The following BCL11B variants were observed in gnomAD, a reference collection of about 807,000 sequenced individuals.
The protein encoded by BCL11B is BCL11 transcription factor B.
Under a neutral mutation model 49.9 loss-of-function variants are expected in BCL11B, and 8 were observed. The observed-to-expected ratio is 0.16, with a 90% confidence interval of 0.09 to 0.29. The LOEUF (loss-of-function observed/expected upper bound fraction) is 0.29, where lower values mean the gene tolerates loss of function less well. BCL11B is among the 10% of genes least tolerant of loss of function. BCL11B has a pLI of 1.00. For missense variants in BCL11B, 1,006 were observed against 1,351.0 expected, an observed-to-expected ratio of 0.74 and a Z score of 4.00; for synonymous variants, 739 against 637.4, an observed-to-expected ratio of 1.16 and a Z score of -2.40.
rs1413235133 is a variant in BCL11B at position 99,249,499 on chromosome 14, T to C, written c.427+7972A>G. ...GAGCTGGTGACTCACCGGACAACTG[T>C]GCAAGGTACCTCTCTATGACTCAGT... On this transcript the variant is annotated intron_variant, in intron 2 of 3. Transcript: ENST00000357195. Among the ~76,000 whole-genome samples, 5 of 152,300 alleles carry C rather than the reference T, an allele frequency of 3.3e-5. No individual in the cohort carries two copies. The East Asian group carries it at 9.6e-4, about 29-fold the overall frequency.
intron 3 of BCL11B, among the ~76,000 whole-genome samples, chr14:99,182,233 C>A (rs1886726269): frequency 6.6e-6 from 1 of 152,202 alleles, no homozygotes; most frequent in African/African-American, 2.4e-5. Context: ...GAGCTAAGCA[C>A]ACCAAGGACC....
At position 99,192,869 on chromosome 14, in the gene BCL11B, GTGAATGAATGAA is replaced by G. The variant is rs10553108; in HGVS notation, c.641-16686_641-16675del. On this transcript the variant is annotated intron_variant, in intron 3 of 3. Transcript: ENST00000357195. This position sits in a 1 kb window ranked among gnomAD's most constrained non-coding sequence, Gnocchi z 4.0. ...TATTTAATGATCAAAATGTAAATGA[GTGAATGAATGAA>G]TGAATGAATGAATGAGTGAATGAAT... 1.3e-5 allele frequency among the ~76,000 whole-genome samples: 2 copies of G among 151,218 alleles called. No homozygotes were observed. The highest frequency in any genetic ancestry group is 2.4e-5 in the African/African-American group (1 of 41,074).
At chr14:99,234,855 CAAAAAAAA>C (rs34831762) in intron 2 of BCL11B, among the ~76,000 whole-genome samples, 2 of 66,640 alleles carry the variant, frequency 3.0e-5, no homozygotes, top group Non-Finnish European at 5.5e-5. Context: ...GGTCTATGCA[CAAAAAAAA>C]AAAAAAAAAA....
At chr14:99,260,067 A>G (rs1889291519) in intron 1 of BCL11B, among the ~76,000 whole-genome samples, 1 of 152,232 alleles carries the variant, frequency 6.6e-6, no homozygotes, top group Admixed American at 6.5e-5. Flanking sequence ...ATAAGGATGT[A>G]TTGTGCGCCA....
intron 3 of BCL11B, among the ~76,000 whole-genome samples, chr14:99,176,819 G>C (rs1886549757): frequency 6.6e-6 from 1 of 152,096 alleles, no homozygotes; most frequent in Non-Finnish European, 1.5e-5. Flanking sequence ...TCCCAGGGAG[G>C]GGGGCAAGAT....
intron 2 of BCL11B, among the ~76,000 whole-genome samples, chr14:99,245,539 G>A (rs988202838): frequency 6.6e-6 from 1 of 152,218 alleles, no homozygotes; most frequent in Non-Finnish European, 1.5e-5. Context: ...CCTGGATCCC[G>A]GGAACCGCCC....
intron 3 of BCL11B, among the ~76,000 whole-genome samples, chr14:99,187,389 A>G (rs976220045): frequency 3.3e-5 from 5 of 152,184 alleles, no homozygotes; most frequent in African/African-American, 1.2e-4. Flanking sequence ...TCCACTGGAA[A>G]TAATAAAGAA....
chr14:99,265,994 C>T (rs1265426488), intron 1 of BCL11B, among the ~76,000 whole-genome samples: 1 of 152,180 alleles, frequency 6.6e-6, no homozygotes, highest in Non-Finnish European at 1.5e-5. Flanking sequence ...TATTCCCCAT[C>T]ACTAGATTAC....
At chr14:99,193,582 C>G (rs1031006399) in intron 3 of BCL11B, among the ~76,000 whole-genome samples, 2 of 152,114 alleles carry the variant, frequency 1.3e-5, no homozygotes, top group Non-Finnish European at 2.9e-5. Flanking sequence ...AATCCTCTTA[C>G]CTCTTTTTTC....
At chr14:99,258,162 T>G (rs1258866047) in intron 1 of BCL11B, among the ~76,000 whole-genome samples, 1 of 152,206 alleles carries the variant, frequency 6.6e-6, no homozygotes, top group Non-Finnish European at 1.5e-5. Flanking sequence ...CACACGTGCA[T>G]ACACACACAC....
chr14:99,253,641 C>T (rs757435968), intron 2 of BCL11B, among the ~76,000 whole-genome samples: 1 of 152,140 alleles, frequency 6.6e-6, no homozygotes, highest in Non-Finnish European at 1.5e-5. Flanking sequence ...CACACAGCAA[C>T]AGACAGCCTT....
At chr14:99,249,216 C>T (rs895800969) in intron 2 of BCL11B, among the ~76,000 whole-genome samples, 2 of 152,158 alleles carry the variant, frequency 1.3e-5, no homozygotes, top group Non-Finnish European at 2.9e-5. Context: ...TCCCACGAGG[C>T]CTGGGCTCCT....
chr14:99,261,117 C>G (rs1351798309), intron 1 of BCL11B, among the ~76,000 whole-genome samples: 1 of 152,204 alleles, frequency 6.6e-6, no homozygotes, highest in East Asian at 1.9e-4. Flanking sequence ...CTGCTGTGTG[C>G]GACACTTCCC....
intron 2 of BCL11B, among the ~76,000 whole-genome samples, chr14:99,243,094 T>C (rs970068250): frequency 6.6e-6 from 1 of 152,100 alleles, no homozygotes; most frequent in African/African-American, 2.4e-5. Context: ...TGAGACCAAA[T>C]ATCAGGAAAA....
At chr14:99,178,527 A>G (rs1020008727) in intron 3 of BCL11B, among the ~76,000 whole-genome samples, 7 of 152,220 alleles carry the variant, frequency 4.6e-5, no homozygotes, top group African/African-American at 1.7e-4. Flanking sequence ...CTCAGCGAAC[A>G]GAGGAAGTGC....
At chr14:99,265,783 G>C (rs1213341437) in intron 1 of BCL11B, among the ~76,000 whole-genome samples, 3 of 152,136 alleles carry the variant, frequency 2.0e-5, no homozygotes, top group Admixed American at 1.3e-4. Context: ...TCTTTCTCCA[G>C]CTGACGACAG....
Position 99,231,976 on chromosome 14 carries a change from G to A in BCL11B, c.428-419C>T, listed in dbSNP as rs151213166. Among the ~76,000 whole-genome samples, 828 of 152,204 alleles carry A rather than the reference G, an allele frequency of 5.4e-3. 8 individuals carry two copies. The highest frequency in any genetic ancestry group is 0.019 in the African/African-American group (790 of 41,548). ...TACCCCTCCCTGGAAGAGCTGGGAA[G>A]CTCACAGCCTCCCCTGTTTGCTGTA... On this transcript the variant is annotated intron_variant, in intron 2 of 3. Transcript: ENST00000357195. This position sits in a 1 kb window ranked among gnomAD's most constrained non-coding sequence, Gnocchi z 8.1.
chr14:99,194,922 C>T lies in BCL11B; in HGVS notation c.641-18727G>A, dbSNP rs929498215. Reference sequence around the variant, plus strand: ...CAGAAGCCAAGGCTCAGGAACAAAGCGCGTCTACCCAAGGCCATCCAGGCA... The same window carrying T: ...CAGAAGCCAAGGCTCAGGAACAAAGTGCGTCTACCCAAGGCCATCCAGGCA... On this transcript the variant is annotated intron_variant, in intron 3 of 3. Transcript: ENST00000357195. This position sits in a 1 kb window ranked among gnomAD's most constrained non-coding sequence, Gnocchi z 4.6. 6.6e-6 allele frequency among the ~76,000 whole-genome samples: 1 copy of T among 152,162 alleles called. No homozygotes were observed. Among genetic ancestry groups the T allele is most frequent in the Admixed American group, 6.5e-5 (1 of 15,282 alleles).
chr14:99,255,844 C>T (rs950068701), intron 2 of BCL11B, among the ~76,000 whole-genome samples: 2 of 152,212 alleles, frequency 1.3e-5, no homozygotes, highest in African/African-American at 4.8e-5. Flanking sequence ...GTTTACATGC[C>T]GGTGGCCTGG....
Sources: gnomAD v4.1 joint callset for allele counts (sites outside exome capture counted in the v4.1 genomes callset) on GRCh38, gnomAD v4.1.1 for gene constraint, Gnocchi (gnomAD v3.1) non-coding constraint, MANE v1.5 for transcripts, NCBI Gene and HGNC (gene_info 2026-07-23, HGNC 2026-07-21) for gene names.